HLA-DMB: variants seen among roughly 807,000 people sequenced by gnomAD.
HLA-DMB encodes major histocompatibility complex, class II, DM beta.
HLA-DMB carries 18 observed loss-of-function variants against 29.3 expected under a neutral mutation model. The observed-to-expected ratio is 0.62, with a 90% CI of 0.43 to 0.91. The LOEUF is 0.91. HLA-DMB is among the 40% of genes least tolerant of loss of function. HLA-DMB has a pLI of 0.00. For missense variants in HLA-DMB, 258 were observed against 320.9 expected (o/e 0.80, Z 1.50); for synonymous variants, 143 against 128.7 (o/e 1.11, Z -0.75).
intron 3 of HLA-DMB, chr6:32,936,599 G>T (rs1447001376): frequency 6.6e-6 from 1 of 152,388 alleles, no homozygotes; most frequent in African/African-American, 2.4e-5. Context: ...TGGCCCCTGA[G>T]CATGCATGCC....
At position 32,940,892 on chromosome 6, in the gene HLA-DMB, C is replaced by G. The variant is rs1283631202; in HGVS notation, c.-85G>C. 9 of 1,056,118 alleles carry G rather than the reference C, an allele frequency of 8.5e-6. No homozygotes were observed. The Admixed American group carries it at 1.4e-4, about 17-fold the overall frequency. The allele number at this position is 1,056,118 out of a possible 1,614,324, so 65.4% of individuals were successfully genotyped here. ...TGGGTCCTCGCCTGTCCCAGAAGCC[C>G]CAGCCTGGGTAGATGATCTCCAGAC... On this transcript the variant is annotated 5_prime_UTR_variant, in exon 1 of 6. Transcript: ENST00000418107.
Position 32,934,998 on chromosome 6 carries a change from A to C in HLA-DMB, c.776-11T>G. On this transcript the variant is annotated splice_polypyrimidine_tract_variant and intron_variant, in intron 5 of 5. Transcript: ENST00000418107. ...AGGAAATGTGCCATCCTACAGAATA[A>C]ATAAAAGGGAGATAATGAGGCTTCA... 6.2e-7 allele frequency: 1 copy of C among 1,612,810 alleles called. No homozygotes were observed. The highest frequency in any genetic ancestry group is 8.5e-7 in the Non-Finnish European group (1 of 1,179,902).
In HLA-DMB at chr6:32,938,758, T is replaced by G. The variant is rs766145955; in HGVS notation, c.263A>C (p.Gln88Pro). Residue 88 changes from glutamine (Q) to proline (P), a missense_variant, in exon 2 of 6, where the codon CAG becomes CCG. By Grantham distance (76) the Gln-to-Pro change is moderately conservative (BLOSUM62 -1). Transcript: ENST00000418107. ...QHLNQKDTLM[Q>P]RLRNGLQNCA... is the part of the protein sequence containing the mutation. The stretch of plus-strand genomic sequence containing the variant: ...ATTCTGAAGCCCATTGCGCAAGCGC[T>G]GCATCAGGGTGTCTTTTTGGTTGAG... 1.1e-5 allele frequency: 17 copies of G among 1,604,954 alleles called. No homozygotes were observed. Among genetic ancestry groups the G allele is most frequent in the Non-Finnish European group, 1.4e-5 (17 of 1,176,212 alleles).
chr6:32,938,817 C>A lies in HLA-DMB; in HGVS notation c.204G>T (p.Val68=), dbSNP rs1162647635. 2 of 1,611,870 alleles carry A rather than the reference C, an allele frequency of 1.2e-6. No individual in the cohort carries two copies. The highest frequency in any genetic ancestry group is 8.5e-7 in the Non-Finnish European group (1 of 1,179,572). The change falls in exon 2 of 6, where the codon GTG becomes GTT. Residue 68 remains valine, a synonymous_variant. Coordinates refer to ENST00000418107, the MANE Select transcript of HLA-DMB (RefSeq NM_002118.5). ...ENKMAPCEFG[V]LNSLANVLSQ... The stretch of plus-strand genomic sequence containing the variant: ...AGAGGACATTCGCCAAGCTATTCAG[C>A]ACCCCAAATTCGCAAGGGGCCATCT...
rs1013738256 is a variant in HLA-DMB at position 32,934,728 on chromosome 6, C to T, written c.*243G>A. ...CAGGAGGGTCTTTAACTCCCTTCCT[C>T]AGATTATATTCATCCCAGAAATATA... On this transcript the variant is annotated 3_prime_UTR_variant, in exon 6 of 6. Coordinates refer to ENST00000418107, the MANE Select transcript of HLA-DMB (RefSeq NM_002118.5). 8.6e-5 allele frequency: 49 copies of T among 569,634 alleles called. No individual in the cohort carries two copies. In the East Asian group the frequency reaches 1.1e-3, roughly 12 times the overall value. 35.3% of individuals were successfully genotyped at this position (569,634 alleles called of 1,614,324 possible).
chr6:32,938,829 G>T lies in HLA-DMB; in HGVS notation c.192C>A (p.Cys64Ter). ...CCAAGCTATTCAGCACCCCAAATTC[G>T]CAAGGGGCCATCTTATTCTCCTCTG... ...WDPEENKMAP[C>*]EFGVLNSLAN... is the part of the protein sequence containing the mutation. The change falls in exon 2 of 6, where the codon TGC (cysteine) becomes TGA (stop). Residue 64 changes from cysteine (C) to a stop codon, truncating the protein, a stop_gained. Coordinates refer to ENST00000418107, the MANE Select transcript of HLA-DMB (RefSeq NM_002118.5). LOFTEE classifies it high-confidence loss of function. 1 of 1,612,092 alleles carries T rather than the reference G, an allele frequency of 6.2e-7. No homozygotes were observed. Among genetic ancestry groups the T allele is most frequent in the Non-Finnish European group, 8.5e-7 (1 of 1,179,632 alleles).
chr6:32,938,522 T>C (rs541975679), intron 2 of HLA-DMB, 162 bp downstream of exon 2: 402 of 674,100 alleles, frequency 6.0e-4, no homozygotes, highest in Non-Finnish European at 8.2e-4. Flanking sequence ...AGCCACCTTG[T>C]TCCCCTTGAG....
intron 3 of HLA-DMB, 103 bp from the exon 4 acceptor site, chr6:32,935,755 C>T (rs766139323): frequency 2.5e-5 from 19 of 756,294 alleles, no homozygotes; most frequent in Non-Finnish European, 3.7e-5. Context: ...GTCCTTTATC[C>T]CAGCTCCAAG....
In HLA-DMB at chr6:32,935,619, A is replaced by G; in HGVS notation, c.656T>C (p.Val219Ala). The G allele has an allele frequency of 1.2e-6, 2 of 1,612,750 alleles. No individual in the cohort carries two copies. The highest frequency in any genetic ancestry group is 1.7e-6 in the Non-Finnish European group (2 of 1,179,934). The change falls in exon 4 of 6, where the codon GTT becomes GCT. Residue 219 changes from valine (V) to alanine (A), a missense_variant. Physicochemically the swap from Val to Ala is moderately conservative, Grantham distance 64. Transcript: ENST00000418107. ...PGLSPMQTLK[V>A]SVSAVTLGLG... Reference sequence around the variant, plus strand: ...GCCCAGAGTCACTGCAGACACAGAAACCTTCAGGGTCTGCATGGGGGACAG... The same window carrying G: ...GCCCAGAGTCACTGCAGACACAGAAGCCTTCAGGGTCTGCATGGGGGACAG...
Position 32,937,030 on chromosome 6 carries a change from A to G in HLA-DMB, c.622+142T>C, listed in dbSNP as rs932908171. The G allele has an allele frequency of 1.2e-5, 7 of 597,358 alleles. No individual in the cohort carries two copies. The highest frequency in any genetic ancestry group is 1.7e-5 in the Non-Finnish European group (6 of 355,798). 37.0% of individuals were successfully genotyped at this position (597,358 alleles called of 1,614,324 possible). A position where few individuals can be genotyped will look rare whatever the true frequency, so the allele number is the denominator to read the frequency against. On this transcript the variant is annotated intron_variant, in intron 3 of 5. Coordinates refer to ENST00000418107, the MANE Select transcript of HLA-DMB (RefSeq NM_002118.5). The surrounding 1 kb of genome is among the most constrained non-coding windows in gnomAD (Gnocchi z 4.1). ...TTCCATTTCTTTATCCCATTTCCCC[A>G]TTCTGGTCCTAAGCCCCCCGTAAGT...
chr6:32,937,560 A>G lies in HLA-DMB; in HGVS notation c.338-104T>C, dbSNP rs115699496. The G allele has an allele frequency of 0.01, 10,963 of 1,081,658 alleles. 84 individuals are homozygous for G. Among genetic ancestry groups the G allele is most frequent in the Admixed American group, 0.021 (977 of 46,758 alleles). The allele number at this position is 1,081,658 out of a possible 1,614,324, so 67.0% of individuals were successfully genotyped here. On this transcript the variant is annotated intron_variant, in intron 2 of 5. Coordinates refer to ENST00000418107, the MANE Select transcript of HLA-DMB (RefSeq NM_002118.5). This position sits in a 1 kb window ranked among gnomAD's most constrained non-coding sequence, Gnocchi z 4.1. ...CAACTCTTCGTAGATTTTGCAACCCACTTTCCACCCCAGCCCCCTCTGCCA... is the reference window on the plus strand; with the variant it reads ...CAACTCTTCGTAGATTTTGCAACCCGCTTTCCACCCCAGCCCCCTCTGCCA...
chr6:32,934,916 A>T lies in HLA-DMB; in HGVS notation c.*55T>A. 1 of 1,532,966 alleles carries T rather than the reference A, an allele frequency of 6.5e-7. No individual in the cohort carries two copies. Among genetic ancestry groups the T allele is most frequent in the Non-Finnish European group, 9.0e-7 (1 of 1,107,092 alleles). 95.0% of individuals were successfully genotyped at this position (1,532,966 alleles called of 1,614,324 possible). A position where few individuals can be genotyped will look rare whatever the true frequency, so the allele number is the denominator to read the frequency against. Reference sequence around the variant, plus strand: ...GAAGATGTTGGAGAGGCATGGTAGCATCATTGAGTTTGAATCTCCTTCTCA... The same window carrying T: ...GAAGATGTTGGAGAGGCATGGTAGCTTCATTGAGTTTGAATCTCCTTCTCA... On this transcript the variant is annotated 3_prime_UTR_variant, in exon 6 of 6. Transcript: ENST00000418107.
In HLA-DMB at chr6:32,937,292, G is replaced by T; in HGVS notation, c.502C>A (p.Pro168Thr). 1 of 1,614,154 alleles carries T rather than the reference G, an allele frequency of 6.2e-7. No individual in the cohort carries two copies. The highest frequency in any genetic ancestry group is 8.5e-7 in the Non-Finnish European group (1 of 1,180,024). Residue 168 changes from proline (P) to threonine (T), a missense_variant, in exon 3 of 6, where the codon CCC becomes ACC. Physicochemically the swap from Pro to Thr is conservative, Grantham distance 38. Transcript: ENST00000418107. The surrounding 1 kb of genome is among the most constrained non-coding windows in gnomAD (Gnocchi z 4.1). ...PHSSAHKTAQPNGDWTYQTLS... is the reference protein window; with the variant it reads ...PHSSAHKTAQTNGDWTYQTLS... ...GTCTGGTATGTCCAGTCTCCATTGGGCTGGGCAGTCTTGTGCGCACTGCTG... is the reference window on the plus strand; with the variant it reads ...GTCTGGTATGTCCAGTCTCCATTGGTCTGGGCAGTCTTGTGCGCACTGCTG...
At position 32,938,750 on chromosome 6, in the gene HLA-DMB, G is replaced by T; in HGVS notation, c.271C>A (p.Arg91Ser). 1 of 1,600,202 alleles carries T rather than the reference G, an allele frequency of 6.2e-7. No homozygotes were observed. Among genetic ancestry groups the T allele is most frequent in the Non-Finnish European group, 8.5e-7 (1 of 1,173,814 alleles). Reference protein sequence around the residue: ...NQKDTLMQRLRNGLQNCATHT... With the variant: ...NQKDTLMQRLSNGLQNCATHT... The stretch of plus-strand genomic sequence containing the variant: ...GTGGCACAATTCTGAAGCCCATTGC[G>T]CAAGCGCTGCATCAGGGTGTCTTTT... Residue 91 changes from arginine to serine, a missense_variant, in exon 2 of 6, where the codon CGC (arginine) becomes AGC (serine). Transcript: ENST00000418107.
rs1582816983 is a variant in HLA-DMB, at chr6:32,938,760, C to T, written c.261G>A (p.Met87Ile). The T allele has an allele frequency of 6.2e-7, 1 of 1,605,604 alleles. No individual in the cohort carries two copies. Among genetic ancestry groups the T allele is most frequent in the African/African-American group, 1.3e-5 (1 of 74,486 alleles). The change falls in exon 2 of 6, where the codon ATG becomes ATA. Residue 87 changes from methionine to isoleucine, a missense_variant. Coordinates refer to ENST00000418107, the MANE Select transcript of HLA-DMB (RefSeq NM_002118.5). ...TCTGAAGCCCATTGCGCAAGCGCTG[C>T]ATCAGGGTGTCTTTTTGGTTGAGGT... Reference protein sequence around the residue: ...SQHLNQKDTLMQRLRNGLQNC... With the variant: ...SQHLNQKDTLIQRLRNGLQNC...
chr6:32,935,482 A>T (rs1371170034), intron 4 of HLA-DMB, 54 bp downstream of exon 4: 5 of 1,537,794 alleles, frequency 3.3e-6, no homozygotes, highest in Non-Finnish European at 4.5e-6. Flanking sequence ...ACAAACAGAA[A>T]GTAAGCAGAG....
At chr6:32,935,918 C>G in intron 3 of HLA-DMB, 1 of 496,902 alleles carries the variant, frequency 2.0e-6, no homozygotes, top group East Asian at 3.3e-5. Context: ...AGTGGGGCCT[C>G]TCAAGGCATC....
chr6:32,938,463 C>G (rs1370628737), intron 2 of HLA-DMB: 1 of 417,590 alleles, frequency 2.4e-6, no homozygotes, highest in Non-Finnish European at 4.2e-6. Flanking sequence ...CATGGCACCT[C>G]GCGGTTCAAG....
At chr6:32,935,055 A>C in intron 5 of HLA-DMB, 68 bp from the exon 6 acceptor site, 1 of 1,563,164 alleles carries the variant, frequency 6.4e-7, no homozygotes, top group South Asian at 1.1e-5. Flanking sequence ...TGTCACTGTA[A>C]CCATCCCATG....
Sources: allele counts gnomAD v4.1 joint callset, GRCh38; gene constraint gnomAD v4.1.1; non-coding constraint Gnocchi (gnomAD v3.1); transcripts MANE v1.5; gene names NCBI Gene and HGNC (gene_info 2026-07-23, HGNC 2026-07-21).